The following AP2B1 variants were observed in gnomAD, a reference collection of about 807,000 sequenced individuals.
AP2B1 encodes the protein adaptor related protein complex 2 subunit beta 1.
A neutral mutation model predicts 102.0 loss-of-function variants in AP2B1; 23 were observed. The observed-to-expected ratio is 0.23, with a 90% CI of 0.16 to 0.32. The LOEUF is 0.32. Among genes scored for constraint, AP2B1 ranks in the 10% least tolerant of loss-of-function variants. AP2B1 has a pLI of 1.00. For synonymous variants in AP2B1, 381 were observed against 421.2 expected (o/e 0.90, Z 1.17); for missense variants, 541 against 1,157.4 (o/e 0.47, Z 7.73).
At chr17:35,597,979 T>C (rs1202669480) in intron 2 of AP2B1, among the ~76,000 whole-genome samples, 1 of 152,222 alleles carries the variant, frequency 6.6e-6, no homozygotes, top group Non-Finnish European at 1.5e-5. Flanking sequence ...TTCCCACTCT[T>C]GTGGTTCTTG....
chr17:35,617,024 T>C (rs1450761496), intron 5 of AP2B1, among the ~76,000 whole-genome samples: 1 of 152,216 alleles, frequency 6.6e-6, no homozygotes, highest in Non-Finnish European at 1.5e-5. Context: ...GGTCCTCATA[T>C]GGAGTAAGCC....
chr17:35,677,859 A>C (rs1463563986), intron 17 of AP2B1, among the ~76,000 whole-genome samples: 1 of 91,082 alleles, frequency 1.1e-5, no homozygotes, highest in East Asian at 4.1e-4. Flanking sequence ...TATAGTAAAT[A>C]GTTTTTTTTT....
Position 35,605,738 on chromosome 17 carries a change from G to T in AP2B1, c.177G>T (p.Gln59His). The change falls in exon 4 of 22, where the codon CAG becomes CAT. Residue 59 changes from glutamine (Q) to histidine (H), a missense_variant. By Grantham distance (24) the Gln-to-His change is conservative (BLOSUM62 0). This residue lies in a region of AP2B1 where 18 missense variants were observed against 23.8 expected (regional missense o/e 0.76). Coordinates refer to ENST00000610402, the MANE Select transcript of AP2B1 (RefSeq NM_001030006.2). ...TTCCAGACGTAGTGAACTGTATGCA[G>T]ACTGACAATCTGGAACTAAAGAAGC... is the stretch of plus-strand genomic sequence containing the variant. ...SLFPDVVNCM[Q>H]TDNLELKKLV... The T allele has an allele frequency of 6.2e-7, 1 of 1,614,040 alleles. No individual in the cohort carries two copies. Among genetic ancestry groups the T allele is most frequent in the Non-Finnish European group, 8.5e-7 (1 of 1,179,896 alleles).
intron 5 of AP2B1, among the ~76,000 whole-genome samples, 199 bp downstream of exon 5, chr17:35,608,586 C>G (rs1221067289): frequency 6.6e-6 from 1 of 152,142 alleles, no homozygotes; most frequent in Non-Finnish European, 1.5e-5. Context: ...ATGCAGGGAT[C>G]TTAAAGCAAA....
At chr17:35,673,130 A>G (rs2075625328) in intron 16 of AP2B1, among the ~76,000 whole-genome samples, 1 of 152,190 alleles carries the variant, frequency 6.6e-6, no homozygotes, top group Non-Finnish European at 1.5e-5. Context: ...ATGGCTGAGT[A>G]CATTATCATG....
intron 16 of AP2B1, among the ~76,000 whole-genome samples, 192 bp from the exon 17 acceptor site, chr17:35,673,984 T>C (rs1449279887): frequency 6.6e-6 from 1 of 152,226 alleles, no homozygotes; most frequent in Non-Finnish European, 1.5e-5. Context: ...ATCTCAAAAT[T>C]CAGAAAATAA....
At chr17:35,675,283 C>A (rs1272184919) in intron 17 of AP2B1, among the ~76,000 whole-genome samples, 2 of 152,124 alleles carry the variant, frequency 1.3e-5, no homozygotes, top group East Asian at 3.8e-4. Flanking sequence ...GGATATTTAG[C>A]CCTGCATATA....
intron 5 of AP2B1, among the ~76,000 whole-genome samples, chr17:35,618,584 A>G (rs1186819949): frequency 6.6e-6 from 1 of 152,226 alleles, no homozygotes; most frequent in African/African-American, 2.4e-5. Flanking sequence ...AAGGCCACGA[A>G]AATGAGTGAA....
At chr17:35,664,995 A>G (rs1286419606) in intron 14 of AP2B1, among the ~76,000 whole-genome samples, 1 of 151,704 alleles carries the variant, frequency 6.6e-6, no homozygotes, top group Non-Finnish European at 1.5e-5. Context: ...GATGATTTTT[A>G]TATGATCTCA....
chr17:35,593,226 A>AT (rs1392072833), intron 1 of AP2B1, among the ~76,000 whole-genome samples: 3 of 152,184 alleles, frequency 2.0e-5, no homozygotes, highest in African/African-American at 7.2e-5. Context: ...AAGATCTAGT[A>AT]TTTGATAGCA....
chr17:35,642,130 G>A (rs560020870), intron 12 of AP2B1, among the ~76,000 whole-genome samples, 155 bp downstream of exon 12: 5 of 152,134 alleles, frequency 3.3e-5, no homozygotes, highest in African/African-American at 4.8e-5. Context: ...GCCTTTTTAC[G>A]TGTTCAACTG....
intron 15 of AP2B1, 57 bp downstream of exon 15, chr17:35,670,955 T>C: frequency 6.4e-7 from 1 of 1,564,758 alleles, no homozygotes; most frequent in Non-Finnish European, 8.8e-7. Context: ...TTGATGCCTT[T>C]CCTATGTACA....
chr17:35,625,816 A>G (rs898649140), intron 6 of AP2B1, among the ~76,000 whole-genome samples: 1 of 152,142 alleles, frequency 6.6e-6, no homozygotes, highest in Non-Finnish European at 1.5e-5. Context: ...GACCTCACTG[A>G]GAAGGTGGCA....
chr17:35,589,547 C>T (rs2073015968), intron 1 of AP2B1, among the ~76,000 whole-genome samples: 2 of 152,190 alleles, frequency 1.3e-5, no homozygotes, highest in Admixed American at 6.5e-5. Context: ...CTTTGACAAC[C>T]TATATTTGGT....
rs1199108422 is a variant in AP2B1 at position 35,726,188 on chromosome 17, T to C, written c.*2489T>C. On this transcript the variant is annotated 3_prime_UTR_variant, in exon 22 of 22. Transcript: ENST00000610402. ...GAGAAGCAAACACCCAGAACTCTTT[T>C]GCTGGTCAGAGATTCCCTGAGTGTC... 6.6e-6 allele frequency: 1 copy of C among 152,026 alleles called. No individual in the cohort carries two copies. Among genetic ancestry groups the C allele is most frequent in the Non-Finnish European group, 1.5e-5 (1 of 68,016 alleles). 9.4% of individuals were successfully genotyped at this position (152,026 alleles called of 1,614,324 possible).
At chr17:35,654,179 A>C (rs1057062899) in intron 13 of AP2B1, among the ~76,000 whole-genome samples, 5 of 151,744 alleles carry the variant, frequency 3.3e-5, no homozygotes, top group African/African-American at 4.8e-5. Flanking sequence ...CTTGTGCCTC[A>C]GCCTCCTGAG....
At chr17:35,713,250 A>G (rs1444670629) in intron 20 of AP2B1, among the ~76,000 whole-genome samples, 2 of 152,226 alleles carry the variant, frequency 1.3e-5, no homozygotes, top group Admixed American at 6.5e-5. Context: ...CCAAATACCA[A>G]TGAATCAGAT....
chr17:35,647,887 G>GT (rs1318537363), intron 12 of AP2B1, among the ~76,000 whole-genome samples: 175 of 46,030 alleles, frequency 3.8e-3, no homozygotes, highest in African/African-American at 0.01. Flanking sequence ...GGTTTTGGGG[G>GT]TTTGTTTTTT....
chr17:35,634,363 G>A (rs116452214), intron 9 of AP2B1, among the ~76,000 whole-genome samples: 152 of 152,072 alleles, frequency 1.0e-3, no homozygotes, highest in African/African-American at 3.5e-3. Flanking sequence ...AGAATTTTTA[G>A]CAAGAATACC....
Sources: allele counts gnomAD v4.1 joint callset (sites outside exome capture counted in the v4.1 genomes callset), GRCh38; gene constraint gnomAD v4.1.1; regional missense constraint gnomAD v4.1.1; transcripts MANE v1.5; gene names NCBI Gene and HGNC (gene_info 2026-07-23, HGNC 2026-07-21).